The following DNAH5 variants were observed in gnomAD, a reference collection of about 807,000 sequenced individuals.
DNAH5 encodes dynein axonemal heavy chain 5.
In DNAH5, 372 loss-of-function variants were observed where a neutral mutation model predicts 518.2. The ratio of observed to expected loss-of-function variants is 0.72; its 90% confidence interval spans 0.66 to 0.78. DNAH5 has a LOEUF of 0.78. Ranked by LOEUF, DNAH5 falls within the 30% of genes least tolerant of loss-of-function variation. The pLI is 0.00. For missense variants in DNAH5, 5,523 were observed against 5,687.0 expected, an observed-to-expected ratio of 0.97 and a Z score of 0.93; for synonymous variants, 2,039 against 2,025.9, an observed-to-expected ratio of 1.01 and a Z score of -0.17.
At chr5:13,786,393 C>T in intron 51 of DNAH5, 42 bp from the exon 52 acceptor site, 2 of 1,560,722 alleles carry the variant, frequency 1.3e-6, no homozygotes, top group South Asian at 1.1e-5. Context: ...CTGCAAATAC[C>T]TGCATTTTAC....
At chr5:13,784,872 T>G (rs958112542) in intron 52 of DNAH5, among the ~76,000 whole-genome samples, 1 of 152,134 alleles carries the variant, frequency 6.6e-6, no homozygotes, top group Non-Finnish European at 1.5e-5. Flanking sequence ...CTTCCAACCT[T>G]TGAGGATCAA....
intron 52 of DNAH5, among the ~76,000 whole-genome samples, chr5:13,785,925 A>G (rs1278528820): frequency 1.3e-5 from 2 of 152,238 alleles, no homozygotes; most frequent in Admixed American, 6.5e-5. Context: ...TGGTGAAAGC[A>G]CTGAGCTGGA....
At chr5:13,953,926 T>C (rs957034197) in intron 1 of DNAH5, among the ~76,000 whole-genome samples, 2 of 152,178 alleles carry the variant, frequency 1.3e-5, no homozygotes, top group African/African-American at 4.8e-5. Flanking sequence ...CAGGCTGGTC[T>C]TGAACTCCTG....
rs371109536 is a variant in DNAH5 at position 13,769,112 on chromosome 5, C to T, written c.9745G>A (p.Ala3249Thr). ...GCCTTGACCTTTTCAGCAGCCTGTG[C>T]TTTCATTGTCACTTCTTTTAAGACC... ...DMVLKEVTMKAQAAEKVKAEV... is the reference protein window; with the variant it reads ...DMVLKEVTMKTQAAEKVKAEV... Residue 3249 changes from alanine (A) to threonine (T), a missense_variant, in exon 58 of 79, where the codon GCA becomes ACA. Around this residue, in one of 3 missense-constraint regions of DNAH5, gnomAD observed 5,121 missense variants for 5,223.3 expected, o/e 0.98. Coordinates refer to ENST00000265104, the MANE Select transcript of DNAH5 (RefSeq NM_001369.3). 9.9e-6 allele frequency: 16 copies of T among 1,614,170 alleles called. No homozygotes were observed. The highest frequency in any genetic ancestry group is 1.4e-5 in the Non-Finnish European group (16 of 1,180,022).
intron 51 of DNAH5, among the ~76,000 whole-genome samples, 188 bp from the exon 52 acceptor site, chr5:13,786,539 C>T (rs1052202258): frequency 6.6e-6 from 1 of 152,184 alleles, no homozygotes; most frequent in African/African-American, 2.4e-5. Flanking sequence ...TGATCATATG[C>T]AGTCTTTGTT....
At position 13,735,274 on chromosome 5, in the gene DNAH5, T is replaced by C; in HGVS notation, c.11618A>G (p.Glu3873Gly). Reference protein sequence around the residue: ...ITSKRIANIIEHMTYEVYKYA... With the variant: ...ITSKRIANIIGHMTYEVYKYA... Reference sequence around the variant, plus strand: ...CTTATAAACCTCGTAGGTCATGTGCTCGATGATATTAGCAATCCTCTTGCT... The same window carrying C: ...CTTATAAACCTCGTAGGTCATGTGCCCGATGATATTAGCAATCCTCTTGCT... Residue 3873 changes from glutamate to glycine, a missense_variant, in exon 68 of 79, where the codon GAG (glutamate) becomes GGG (glycine). Around this residue, in one of 3 missense-constraint regions of DNAH5, gnomAD observed 5,121 missense variants for 5,223.3 expected, o/e 0.98. Coordinates refer to ENST00000265104, the MANE Select transcript of DNAH5 (RefSeq NM_001369.3). 6.2e-7 allele frequency: 1 copy of C among 1,614,122 alleles called. No individual in the cohort carries two copies. The highest frequency in any genetic ancestry group is 8.5e-7 in the Non-Finnish European group (1 of 1,180,010).
intron 59 of DNAH5, among the ~76,000 whole-genome samples, chr5:13,764,295 A>G (rs1440375307): frequency 6.6e-6 from 1 of 152,220 alleles, no homozygotes; most frequent in Non-Finnish European, 1.5e-5. Flanking sequence ...TGTTTATCAA[A>G]AGACACCATT....
chr5:13,780,792 A>T (rs1754987566), intron 53 of DNAH5, 37 bp downstream of exon 53: 1 of 1,611,960 alleles, frequency 6.2e-7, no homozygotes, highest in Admixed American at 1.7e-5. Context: ...CTTTTATCAA[A>T]ATCCATGTTA....
intron 55 of DNAH5, among the ~76,000 whole-genome samples, chr5:13,774,017 C>T (rs893592817): frequency 1.1e-4 from 17 of 152,056 alleles, no homozygotes; most frequent in African/African-American, 4.1e-4. Flanking sequence ...TCAGCTCTTC[C>T]CAGCACGAAG....
intron 12 of DNAH5, among the ~76,000 whole-genome samples, chr5:13,905,259 G>C (rs1166282360): frequency 6.6e-6 from 1 of 152,198 alleles, no homozygotes; most frequent in Non-Finnish European, 1.5e-5. Flanking sequence ...ATGATATTAA[G>C]AGGTGGCACC....
intron 29 of DNAH5, among the ~76,000 whole-genome samples, chr5:13,861,952 CAAAAAAAA>C (rs59674964): frequency 2.0e-5 from 1 of 49,514 alleles, no homozygotes; most frequent in Non-Finnish European, 3.3e-5. Flanking sequence ...GATTCCATCT[CAAAAAAAA>C]AAAAAAAAAA....
At chr5:13,848,785 CA>C (rs1766410996) in intron 31 of DNAH5, among the ~76,000 whole-genome samples, 1 of 152,174 alleles carries the variant, frequency 6.6e-6, no homozygotes, top group Non-Finnish European at 1.5e-5. Context: ...AGGCAGAGCT[CA>C]GGTGATATTG....
intron 63 of DNAH5, 142 bp from the exon 64 acceptor site, chr5:13,752,431 A>T (rs1750372557): frequency 2.0e-6 from 2 of 1,002,922 alleles, no homozygotes; most frequent in East Asian, 5.1e-5. Flanking sequence ...CCCAAATACA[A>T]AACTTGTTGA....
intron 1 of DNAH5, among the ~76,000 whole-genome samples, chr5:13,994,819 A>G (rs974984311): frequency 2.6e-5 from 4 of 152,184 alleles, no homozygotes; most frequent in African/African-American, 4.8e-5. Flanking sequence ...GCATTTGCCT[A>G]TAAAATTTCT....
At chr5:13,764,045 A>G (rs77011452) in intron 59 of DNAH5, among the ~76,000 whole-genome samples, 2,680 of 152,348 alleles carry the variant, frequency 0.018, 74 homozygotes, top group African/African-American at 0.058. Context: ...TCACTTGAGC[A>G]ATGCTGAATT....
In DNAH5 at chr5:13,824,351, C is replaced by G. The variant is rs1290276260; in HGVS notation, c.6445-18G>C. ...TAATGAACCTAGAGAATGTGAGATACATTGGGCTTATTTTCAACATTAAAA... is the reference window on the plus strand; with the variant it reads ...TAATGAACCTAGAGAATGTGAGATAGATTGGGCTTATTTTCAACATTAAAA... On this transcript the variant is annotated intron_variant, in intron 38 of 78. Coordinates refer to ENST00000265104, the MANE Select transcript of DNAH5 (RefSeq NM_001369.3). The G allele has an allele frequency of 8.1e-6, 13 of 1,613,530 alleles. No homozygotes were observed. Among genetic ancestry groups the G allele is most frequent in the African/African-American group, 1.3e-5 (1 of 74,898 alleles).
chr5:13,865,911 T>A lies in DNAH5; in HGVS notation c.4117-5A>T. Reference sequence around the variant, plus strand: ...ATAGATATTATCAAATTGATTCTAATAAAAACACAAGTGAAAACGCATCAA... The same window carrying A: ...ATAGATATTATCAAATTGATTCTAAAAAAAACACAAGTGAAAACGCATCAA... On this transcript the variant is annotated splice_polypyrimidine_tract_variant and splice_region_variant and intron_variant, in intron 26 of 78. Coordinates refer to ENST00000265104, the MANE Select transcript of DNAH5 (RefSeq NM_001369.3). 2 of 1,548,534 alleles carry A rather than the reference T, an allele frequency of 1.3e-6. No individual in the cohort carries two copies. The highest frequency in any genetic ancestry group is 1.8e-6 in the Non-Finnish European group (2 of 1,121,302).
intron 66 of DNAH5, among the ~76,000 whole-genome samples, chr5:13,736,480 C>T (rs567515489): frequency 3.6e-4 from 55 of 152,192 alleles, no homozygotes; most frequent in Admixed American, 8.5e-4. Context: ...CTGCAACCTC[C>T]GCCTCCTGGG....
At chr5:13,810,784 G>A (rs1191212847) in intron 44 of DNAH5, among the ~76,000 whole-genome samples, 1 of 151,298 alleles carries the variant, frequency 6.6e-6, no homozygotes, top group African/African-American at 2.4e-5. Context: ...AAAAAAACAG[G>A]GTTTATCGCA....
Sources: allele counts gnomAD v4.1 joint callset (sites outside exome capture counted in the v4.1 genomes callset), GRCh38; gene constraint gnomAD v4.1.1; regional missense constraint gnomAD v4.1.1; transcripts MANE v1.5; gene names NCBI Gene and HGNC (gene_info 2026-07-23, HGNC 2026-07-21).